Variants in ESRRG observed in about 807,000 individuals in gnomAD.
ESRRG encodes the protein estrogen related receptor gamma.
A neutral mutation model predicts 44.0 loss-of-function variants in ESRRG; 13 were observed. That is an observed-to-expected ratio of 0.30 (90% CI 0.19 to 0.47). ESRRG has a LOEUF of 0.47. Ranked by LOEUF, ESRRG falls within the 20% of genes least tolerant of loss-of-function variation. The pLI, the probability that ESRRG is intolerant of heterozygous loss-of-function variation, is 1.00. For missense variants in ESRRG, 395 were observed against 580.6 expected, an observed-to-expected ratio of 0.68 and a Z score of 3.29; for synonymous variants, 215 against 214.6, an observed-to-expected ratio of 1.00 and a Z score of -0.02.
chr1:216,643,970 CT>C (rs1184408803), intron 3 of ESRRG, among the ~76,000 whole-genome samples: 1 of 152,120 alleles, frequency 6.6e-6, no homozygotes, highest in African/African-American at 2.4e-5. Flanking sequence ...GGAAAGACCT[CT>C]TATTTGGCCA....
intron 2 of ESRRG, among the ~76,000 whole-genome samples, chr1:216,912,007 G>A (rs2060367738): frequency 6.6e-6 from 1 of 151,228 alleles, no homozygotes; most frequent in Non-Finnish European, 1.5e-5. Flanking sequence ...GCTGAGGTGG[G>A]AGGATTGCTG....
At chr1:216,740,757 G>A (rs73093925) in intron 2 of ESRRG, among the ~76,000 whole-genome samples, 3 of 152,024 alleles carry the variant, frequency 2.0e-5, no homozygotes, top group African/African-American at 7.2e-5. Context: ...AAATTATCAA[G>A]AACTTAAAGT....
intron 1 of ESRRG, among the ~76,000 whole-genome samples, chr1:216,945,568 A>G (rs912303609): frequency 2.6e-5 from 4 of 152,198 alleles, no homozygotes; most frequent in Non-Finnish European, 5.9e-5. Context: ...ACAGTAGATC[A>G]CACAAAAAGA....
intron 6 of ESRRG, among the ~76,000 whole-genome samples, chr1:216,514,228 T>C (rs1271914790): frequency 6.6e-6 from 1 of 152,152 alleles, no homozygotes; most frequent in Non-Finnish European, 1.5e-5. Context: ...TTTAAAAAAC[T>C]CACTTCCAAA....
chr1:216,733,166 A>G (rs1216022839), intron 2 of ESRRG, among the ~76,000 whole-genome samples: 1 of 152,126 alleles, frequency 6.6e-6, no homozygotes, highest in African/African-American at 2.4e-5. Context: ...CCCATACAAC[A>G]TAACAGCTTT....
At chr1:216,899,701 C>T (rs372670909) in intron 2 of ESRRG, among the ~76,000 whole-genome samples, 3 of 152,140 alleles carry the variant, frequency 2.0e-5, no homozygotes, top group South Asian at 2.1e-4. Context: ...AGATCTCACA[C>T]GGCACATACA....
chr1:217,089,984 C>A (rs1432457105), upstream of ESRRG, among the ~76,000 whole-genome samples: 2 of 152,136 alleles, frequency 1.3e-5, no homozygotes, highest in Non-Finnish European at 2.9e-5. Context: ...GGTATGTGCA[C>A]GATTCTGTTT....
At chr1:216,656,194 G>A (rs2070510664) in intron 2 of ESRRG, among the ~76,000 whole-genome samples, 2 of 152,272 alleles carry the variant, frequency 1.3e-5, no homozygotes, top group South Asian at 2.1e-4. Context: ...TTTCAGACAC[G>A]GAGTTTTCTT....
intron 1 of ESRRG, among the ~76,000 whole-genome samples, chr1:217,096,079 A>C (rs1166436416): frequency 2.6e-5 from 4 of 152,204 alleles, no homozygotes; most frequent in Non-Finnish European, 5.9e-5. Context: ...TAAAACATGA[A>C]ATTATATAAC....
intron 1 of ESRRG, among the ~76,000 whole-genome samples, chr1:217,103,752 G>A (rs1057133920): frequency 6.6e-5 from 10 of 152,030 alleles, no homozygotes; most frequent in Non-Finnish European, 1.0e-4. Context: ...ATATTCAGAT[G>A]ACGAATGCCC....
At position 217,114,987 on chromosome 1, in the gene ESRRG, T is replaced by G. The variant is rs530905642; in HGVS notation, c.-230+22680A>C. ...CAAGGTTTTTCTAGTTAACAGTGTC[T>G]TCTCTCTGGAGGGATCTGCTTTGTG... On this transcript the variant is annotated intron_variant, in intron 1 of 8. Transcript: ENST00000366940. 2.6e-5 allele frequency among the ~76,000 whole-genome samples: 4 copies of G among 152,200 alleles called. No individual in the cohort carries two copies. In the East Asian group the frequency reaches 7.7e-4, roughly 29 times the overall value.
intron 2 of ESRRG, among the ~76,000 whole-genome samples, chr1:216,653,951 C>CAAA (rs5780901): frequency 7.0e-6 from 1 of 142,424 alleles, no homozygotes; most frequent in Non-Finnish European, 1.5e-5. Flanking sequence ...CCATCTCTAC[C>CAAA]AAAAAAAAAA....
chr1:216,861,402 T>C (rs1481192379), intron 2 of ESRRG, among the ~76,000 whole-genome samples: 1 of 152,024 alleles, frequency 6.6e-6, no homozygotes, highest in East Asian at 1.9e-4. Flanking sequence ...TGCTAAATGT[T>C]TGAAGTGGTG....
rs979856948 is a variant in ESRRG at position 217,099,484 on chromosome 1, C to T, written c.-230+38183G>A. 2.6e-5 allele frequency among the ~76,000 whole-genome samples: 4 copies of T among 152,078 alleles called. 1 individual carries two copies. Among genetic ancestry groups the T allele is most frequent in the African/African-American group, 9.6e-5 (4 of 41,472 alleles). On this transcript the variant is annotated intron_variant, in intron 1 of 8. Transcript: ENST00000366940. The stretch of plus-strand genomic sequence containing the variant: ...AAGCACATGTGCTAGATATTTCCAA[C>T]AGTATCTATGAAATCTAATATAATG...
At chr1:216,724,428 T>C (rs1190647039), upstream of ESRRG, among the ~76,000 whole-genome samples, 1 of 151,768 alleles carries the variant, frequency 6.6e-6, no homozygotes, top group African/African-American at 2.4e-5. Flanking sequence ...TAATTATATG[T>C]ATATATTTCA....
At chr1:216,596,346 A>T (rs1327084856) in intron 3 of ESRRG, among the ~76,000 whole-genome samples, 1 of 152,202 alleles carries the variant, frequency 6.6e-6, no homozygotes, top group Non-Finnish European at 1.5e-5. Context: ...GAAAACAAAA[A>T]GGGCCACTGC....
intron 3 of ESRRG, among the ~76,000 whole-genome samples, chr1:216,616,481 G>A (rs939804288): frequency 5.9e-5 from 9 of 152,112 alleles, no homozygotes; most frequent in South Asian, 2.1e-4. Flanking sequence ...TTCTCTCATC[G>A]ATTTCTCTAC....
intron 3 of ESRRG, among the ~76,000 whole-genome samples, chr1:216,644,784 G>T (rs1472898280): frequency 6.6e-6 from 1 of 152,004 alleles, no homozygotes; most frequent in African/African-American, 2.4e-5. Flanking sequence ...TCAAAAATGG[G>T]TATCAATAAA....
intron 2 of ESRRG, among the ~76,000 whole-genome samples, chr1:216,763,618 G>C (rs940461923): frequency 6.6e-6 from 1 of 152,108 alleles, no homozygotes; most frequent in Non-Finnish European, 1.5e-5. Flanking sequence ...GATATTGTAA[G>C]GTTAAGTTCA....
Sources: gnomAD v4.1 joint callset for allele counts (sites outside exome capture counted in the v4.1 genomes callset) on GRCh38, gnomAD v4.1.1 for gene constraint, MANE v1.5 for transcripts, NCBI Gene and HGNC (gene_info 2026-07-23, HGNC 2026-07-21) for gene names.